SYT14: variants seen among roughly 807,000 people sequenced by gnomAD.
SYT14 encodes the protein synaptotagmin 14.
In SYT14, 32 loss-of-function variants were observed where a neutral mutation model predicts 74.2. The ratio of observed to expected loss-of-function variants is 0.43; its 90% CI spans 0.33 to 0.58. The LOEUF is 0.58. SYT14 is among the 20% of genes least tolerant of loss of function. The pLI is 0.05. For synonymous variants in SYT14, 298 were observed against 337.7 expected (o/e 0.88, Z 1.29); for missense variants, 791 against 981.8 (o/e 0.81, Z 2.60).
chr1:209,982,084 A>T (rs1388964958), intron 2 of SYT14, among the ~76,000 whole-genome samples: 1 of 152,020 alleles, frequency 6.6e-6, no homozygotes, highest in Non-Finnish European at 1.5e-5. Flanking sequence ...ACTTTTTCTC[A>T]AGAATGCCAG....
At chr1:210,124,341 A>G (rs1310954286) in intron 7 of SYT14, among the ~76,000 whole-genome samples, 1 of 152,188 alleles carries the variant, frequency 6.6e-6, no homozygotes, top group Non-Finnish European at 1.5e-5. Flanking sequence ...TAGAGATTAG[A>G]CAATCCAGGA....
chr1:210,163,850 T>A, exon 10 of SYT14: 1 of 453,808 alleles, frequency 2.2e-6, no homozygotes, highest in South Asian at 1.6e-5. Flanking sequence ...CAAAATCTTC[T>A]ATCTCAGTAA....
chr1:210,082,093 A>C (rs373909329), intron 5 of SYT14, among the ~76,000 whole-genome samples: 22 of 152,242 alleles, frequency 1.4e-4, no homozygotes, highest in Admixed American at 1.2e-3. Context: ...GAGTAAATGT[A>C]GTTGTTAGAA....
chr1:209,938,830 T>C (rs1049676630), intron 1 of SYT14, among the ~76,000 whole-genome samples: 1 of 152,100 alleles, frequency 6.6e-6, no homozygotes, highest in African/African-American at 2.4e-5. Context: ...CTGTTTGCTG[T>C]TGTAGGGGGT....
At chr1:209,968,994 G>A (rs936688656) in intron 2 of SYT14, among the ~76,000 whole-genome samples, 2 of 151,962 alleles carry the variant, frequency 1.3e-5, no homozygotes, top group Admixed American at 1.3e-4. Context: ...GAGAATATGT[G>A]GTATTTGGTT....
At chr1:209,949,911 GTAACT>G (rs1264838330) in intron 1 of SYT14, among the ~76,000 whole-genome samples, 3 of 152,132 alleles carry the variant, frequency 2.0e-5, no homozygotes, top group African/African-American at 7.2e-5. Flanking sequence ...GATTATTCGA[GTAACT>G]TAAAAAATTT....
chr1:209,959,385 C>A (rs866574359), intron 2 of SYT14, among the ~76,000 whole-genome samples: 5 of 152,254 alleles, frequency 3.3e-5, no homozygotes, highest in South Asian at 2.1e-4. Context: ...CTCAGGCAAT[C>A]TGCCCGCCTT....
chr1:210,020,084 G>C (rs1192754927), intron 4 of SYT14, among the ~76,000 whole-genome samples: 1 of 152,126 alleles, frequency 6.6e-6, no homozygotes, highest in Non-Finnish European at 1.5e-5. Context: ...TTATGTGTGT[G>C]TATATGCCAC....
At chr1:210,065,034 C>A (rs227211) in intron 5 of SYT14, among the ~76,000 whole-genome samples, 1 of 151,790 alleles carries the variant, frequency 6.6e-6, no homozygotes, top group Admixed American at 6.6e-5. Context: ...TGGTGTTAGG[C>A]GTCTTTTCAT....
intron 2 of SYT14, among the ~76,000 whole-genome samples, chr1:209,990,849 T>C (rs553986689): frequency 6.6e-6 from 1 of 152,164 alleles, no homozygotes; most frequent in East Asian, 1.9e-4. Flanking sequence ...AGATTGGTAT[T>C]ATTACAAAGT....
At position 210,007,755 on chromosome 1, in the gene SYT14, G is replaced by A. The variant is rs188529596; in HGVS notation, c.-485-5878G>A. Among the ~76,000 whole-genome samples, 4 of 152,212 alleles carry A rather than the reference G, an allele frequency of 2.6e-5. No individual in the cohort carries two copies. In the East Asian group the frequency reaches 7.7e-4, roughly 29 times the overall value. On this transcript the variant is annotated intron_variant, in intron 2 of 9. Coordinates refer to ENST00000637265, the Ensembl canonical transcript of SYT14. ...AGTATTACTTGGTGTTTAAGATCAT[G>A]GATTCTGGAGTCAGAATGTCTGGAT...
chr1:210,107,885 A>G (rs2082187747), intron 7 of SYT14, among the ~76,000 whole-genome samples: 2 of 151,610 alleles, frequency 1.3e-5, no homozygotes, highest in Admixed American at 6.6e-5. Flanking sequence ...TTTTACTTCT[A>G]TCTTTGTTTA....
intron 2 of SYT14, among the ~76,000 whole-genome samples, chr1:209,998,671 A>T (rs1423134232): frequency 6.6e-6 from 1 of 152,128 alleles, no homozygotes; most frequent in Non-Finnish European, 1.5e-5. Context: ...ATTTTGACAA[A>T]AGCCCCAAGA....
intron 5 of SYT14, among the ~76,000 whole-genome samples, chr1:210,024,197 T>C (rs2080362207): frequency 6.6e-6 from 1 of 152,204 alleles, no homozygotes; most frequent in Non-Finnish European, 1.5e-5. Context: ...GAGAATTTGC[T>C]GAAAAGTTTT....
intron 2 of SYT14, among the ~76,000 whole-genome samples, chr1:209,986,491 T>G (rs2079572104): frequency 6.6e-6 from 1 of 151,794 alleles, no homozygotes; most frequent in African/African-American, 2.4e-5. Flanking sequence ...CGGGCGCCTA[T>G]AGTCCCAGCT....
chr1:210,114,127 T>C (rs553376945), intron 7 of SYT14, among the ~76,000 whole-genome samples: 2 of 151,580 alleles, frequency 1.3e-5, no homozygotes, highest in South Asian at 4.1e-4. Flanking sequence ...AGCCTTGGGC[T>C]AGAGTTCCAG....
chr1:210,025,124 T>A (rs1259468999), intron 5 of SYT14, among the ~76,000 whole-genome samples: 1 of 152,182 alleles, frequency 6.6e-6, no homozygotes, highest in Non-Finnish European at 1.5e-5. Flanking sequence ...CTGTTCACCT[T>A]CTTCCTGCCA....
chr1:210,005,356 T>A (rs936857063), intron 2 of SYT14, among the ~76,000 whole-genome samples: 4 of 151,988 alleles, frequency 2.6e-5, no homozygotes, highest in Non-Finnish European at 4.4e-5. Context: ...AATCTTGAAA[T>A]AAGCTTATCT....
At chr1:209,963,637 A>G (rs2079110551) in intron 2 of SYT14, among the ~76,000 whole-genome samples, 1 of 152,228 alleles carries the variant, frequency 6.6e-6, no homozygotes, top group African/African-American at 2.4e-5. Flanking sequence ...GACAGTTTTC[A>G]TACATCAACT....
Sources: allele counts gnomAD v4.1 joint callset (sites outside exome capture counted in the v4.1 genomes callset), GRCh38; gene constraint gnomAD v4.1.1; transcripts MANE v1.5; gene names NCBI Gene and HGNC (gene_info 2026-07-23, HGNC 2026-07-21).